Variants in SLIT3 observed in about 807,000 individuals in gnomAD.
The protein encoded by SLIT3 is slit homolog 3 protein.
In SLIT3, 68 loss-of-function variants were observed where a neutral mutation model predicts 184.0. The ratio of observed to expected loss-of-function variants is 0.37; its 90% confidence interval spans 0.30 to 0.45. The LOEUF is 0.45. Among genes scored for constraint, SLIT3 ranks in the 20% least tolerant of loss-of-function variants. The pLI is 1.00. For synonymous variants in SLIT3, 831 were observed against 828.6 expected, an observed-to-expected ratio of 1.00 and a Z score of -0.05; for missense variants, 1,707 against 2,026.0, an observed-to-expected ratio of 0.84 and a Z score of 3.02.
At chr5:169,000,834 T>C (rs1755679159) in intron 4 of SLIT3, among the ~76,000 whole-genome samples, 1 of 152,210 alleles carries the variant, frequency 6.6e-6, no homozygotes, top group Non-Finnish European at 1.5e-5. Context: ...GACAACCTAT[T>C]CTTGAAGCAT....
At chr5:169,265,819 A>T (rs1233506876) in intron 1 of SLIT3, among the ~76,000 whole-genome samples, 1 of 152,178 alleles carries the variant, frequency 6.6e-6, no homozygotes, top group Non-Finnish European at 1.5e-5. Flanking sequence ...ATGTGAGCAC[A>T]AGTAAGATGA....
At chr5:168,886,895 G>T (rs1760238435) in intron 4 of SLIT3, among the ~76,000 whole-genome samples, 1 of 152,098 alleles carries the variant, frequency 6.6e-6, no homozygotes, top group Admixed American at 6.5e-5. Context: ...AGACCAAAGA[G>T]GACTTATTAA....
intron 4 of SLIT3, among the ~76,000 whole-genome samples, chr5:169,095,018 CA>C (rs1207743448): frequency 6.6e-6 from 1 of 152,158 alleles, no homozygotes; most frequent in Non-Finnish European, 1.5e-5. Flanking sequence ...CCACAGGGAC[CA>C]GGAGGAGGAC....
intron 20 of SLIT3, among the ~76,000 whole-genome samples, chr5:168,725,024 C>A (rs971373149): frequency 2.6e-5 from 4 of 152,142 alleles, no homozygotes; most frequent in African/African-American, 9.7e-5. Flanking sequence ...TGATTAAGAA[C>A]CCTAATTCAA....
intron 4 of SLIT3, among the ~76,000 whole-genome samples, chr5:168,952,550 A>AAAAAAAAAAAAAAAAAAAAAAAAG (rs59047961): frequency 7.8e-6 from 1 of 128,004 alleles, no homozygotes; most frequent in African/African-American, 3.5e-5. Context: ...AAAAAAAAAG[A>AAAAAAAAAAAAAAAAAAAAAAAAG]GGGGAGAAGG....
chr5:168,811,836 C>T (rs1409886320), intron 8 of SLIT3, among the ~76,000 whole-genome samples: 2 of 152,108 alleles, frequency 1.3e-5, no homozygotes, highest in East Asian at 1.9e-4. Flanking sequence ...AACAGAAGTA[C>T]CATATTCAAC....
At chr5:168,765,692 A>G (rs1398225212) in intron 14 of SLIT3, among the ~76,000 whole-genome samples, 1 of 152,240 alleles carries the variant, frequency 6.6e-6, no homozygotes, top group African/African-American at 2.4e-5. Context: ...TTAGTAATAG[A>G]GGACCGACTG....
At chr5:168,779,013 C>T (rs766224612) in intron 12 of SLIT3, among the ~76,000 whole-genome samples, 14 of 152,198 alleles carry the variant, frequency 9.2e-5, no homozygotes, top group South Asian at 2.1e-4. Context: ...TGAGATGATC[C>T]GACCAGGTGA....
intron 12 of SLIT3, among the ~76,000 whole-genome samples, chr5:168,777,483 G>A (rs1193428758): frequency 2.0e-5 from 3 of 152,128 alleles, no homozygotes; most frequent in Non-Finnish European, 4.4e-5. Context: ...CACTCATCAG[G>A]TCTATTGAGG....
intron 9 of SLIT3, among the ~76,000 whole-genome samples, chr5:168,804,670 C>A (rs973422699): frequency 2.9e-4 from 44 of 152,074 alleles, no homozygotes; most frequent in African/African-American, 1.1e-3. Flanking sequence ...CCAGAGGGTG[C>A]GGAGGCATGG....
rs1448177407 is a variant in SLIT3, at chr5:169,300,432, G to C, written c.197+81C>G. On this transcript the variant is annotated intron_variant, in intron 1 of 35. Transcript: ENST00000519560. The surrounding 1 kb of genome is among the most constrained non-coding windows in gnomAD (Gnocchi z 4.1). Reference sequence around the variant, plus strand: ...AGACTGCATCCAGGGAGGCCGAGGGGAAAGGACGGATCTGGCGCCTGGGGC... The same window carrying C: ...AGACTGCATCCAGGGAGGCCGAGGGCAAAGGACGGATCTGGCGCCTGGGGC... 1.5e-6 allele frequency: 2 copies of C among 1,369,376 alleles called. No individual in the cohort carries two copies. The highest frequency in any genetic ancestry group is 1.5e-5 in the African/African-American group (1 of 65,410). 84.8% of individuals were successfully genotyped at this position (1,369,376 alleles called of 1,614,324 possible).
chr5:169,265,957 G>A (rs1766383208), intron 1 of SLIT3, among the ~76,000 whole-genome samples: 1 of 152,126 alleles, frequency 6.6e-6, no homozygotes, highest in East Asian at 1.9e-4. Flanking sequence ...CTTCCTTCCT[G>A]TCACACAGAG....
At chr5:169,159,530 C>A (rs1288830140) in intron 4 of SLIT3, among the ~76,000 whole-genome samples, 1 of 138,422 alleles carries the variant, frequency 7.2e-6, no homozygotes, top group Non-Finnish European at 1.7e-5. Flanking sequence ...AATCCCAGCA[C>A]TTTGGGAGGC....
intron 4 of SLIT3, among the ~76,000 whole-genome samples, chr5:169,185,580 G>A (rs1763304438): frequency 6.6e-6 from 1 of 152,156 alleles, no homozygotes; most frequent in African/African-American, 2.4e-5. Flanking sequence ...CACTTTTATA[G>A]CACTGTTTCA....
At position 169,300,358 on chromosome 5, in the gene SLIT3, C is replaced by A. The variant is rs962599959; in HGVS notation, c.197+155G>T. 6.6e-6 allele frequency among the ~76,000 whole-genome samples: 1 copy of A among 152,206 alleles called. No homozygotes were observed. Among genetic ancestry groups the A allele is most frequent in the Non-Finnish European group, 1.5e-5 (1 of 68,028 alleles). On this transcript the variant is annotated intron_variant, in intron 1 of 35. Transcript: ENST00000519560. This position sits in a 1 kb window ranked among gnomAD's most constrained non-coding sequence, Gnocchi z 4.1. Reference sequence around the variant, plus strand: ...TTCCAGATCTGACCAAGCCTACAGACCCCCAGCTCGGAGAGTGAGGGATCG... The same window carrying A: ...TTCCAGATCTGACCAAGCCTACAGAACCCCAGCTCGGAGAGTGAGGGATCG...
chr5:169,052,804 G>A (rs1757861273), intron 4 of SLIT3, among the ~76,000 whole-genome samples: 1 of 152,204 alleles, frequency 6.6e-6, no homozygotes, highest in Admixed American at 6.5e-5. Context: ...GACCACTGCT[G>A]AAATACTGCA....
chr5:169,182,500 T>C (rs17556404), intron 4 of SLIT3, among the ~76,000 whole-genome samples: 29,781 of 152,210 alleles, frequency 0.2, 3,950 homozygotes, highest in Middle Eastern at 0.35. Context: ...AAGTTACAGA[T>C]GTTTTTGGTG....
chr5:168,724,895 T>C (rs1373820210), intron 20 of SLIT3, among the ~76,000 whole-genome samples: 1 of 152,200 alleles, frequency 6.6e-6, no homozygotes, highest in African/African-American at 2.4e-5. Context: ...TTAAAACACT[T>C]GCCCAAGGTC....
chr5:168,730,247 T>C (rs1469317912), intron 20 of SLIT3, among the ~76,000 whole-genome samples: 1 of 152,008 alleles, frequency 6.6e-6, no homozygotes, highest in Non-Finnish European at 1.5e-5. Context: ...CTGGACCTAA[T>C]GAAAGAAACA....
Sources: allele counts gnomAD v4.1 joint callset (sites outside exome capture counted in the v4.1 genomes callset), GRCh38; gene constraint gnomAD v4.1.1; non-coding constraint Gnocchi (gnomAD v3.1); transcripts MANE v1.5; gene names NCBI Gene and HGNC (gene_info 2026-07-23, HGNC 2026-07-21).